Variants in DOK5 observed in about 807,000 individuals in gnomAD.
The protein encoded by DOK5 is downstream of tyrosine kinase 5.
A neutral mutation model predicts 43.3 loss-of-function variants in DOK5; 27 were observed. That is an observed-to-expected ratio of 0.62 (90% CI 0.46 to 0.86). The LOEUF (loss-of-function observed/expected upper bound fraction) is 0.86. Among genes scored for constraint, DOK5 ranks in the 40% least tolerant of loss-of-function variants. The probability of loss-of-function intolerance (pLI) is 0.00; values close to 1 mark genes in which losing one functional copy is unlikely to be tolerated. For synonymous variants in DOK5, 146 were observed against 140.1 expected, an observed-to-expected ratio of 1.04 and a Z score of -0.30; for missense variants, 373 against 392.9, an observed-to-expected ratio of 0.95 and a Z score of 0.43.
intron 1 of DOK5, 103 bp downstream of exon 1, chr20:54,476,115 G>A: frequency 6.4e-7 from 1 of 1,565,638 alleles, no homozygotes; most frequent in Admixed American, 2.0e-5. Context: ...CCGCGCGCCG[G>A]AGAATTGCGC....
intron 6 of DOK5, among the ~76,000 whole-genome samples, chr20:54,638,100 T>A (rs542237197): frequency 3.8e-5 from 5 of 131,966 alleles, no homozygotes; most frequent in East Asian, 2.3e-4. Flanking sequence ...CCAGCCTGGG[T>A]GACAGAGCGA....
chr20:54,554,397 C>T (rs1305264100), intron 1 of DOK5, among the ~76,000 whole-genome samples: 1 of 152,186 alleles, frequency 6.6e-6, no homozygotes, highest in Non-Finnish European at 1.5e-5. Flanking sequence ...ATCTTCAAGT[C>T]TCTGGGTTGA....
chr20:54,496,155 T>A (rs1328032036), intron 1 of DOK5, among the ~76,000 whole-genome samples: 1 of 152,212 alleles, frequency 6.6e-6, no homozygotes. Flanking sequence ...TTAGACTAAT[T>A]GCTCTAATAT....
chr20:54,519,905 G>A (rs1481835551), intron 1 of DOK5, among the ~76,000 whole-genome samples: 3 of 152,198 alleles, frequency 2.0e-5, no homozygotes, highest in African/African-American at 7.2e-5. Context: ...CAGGCTTTTA[G>A]TAACACCTCA....
intron 6 of DOK5, among the ~76,000 whole-genome samples, chr20:54,613,238 C>T (rs542533798): frequency 2.6e-4 from 39 of 151,096 alleles, no homozygotes; most frequent in African/African-American, 9.0e-4. Context: ...CTCTCTCTCT[C>T]GCCATCTCTC....
intron 5 of DOK5, among the ~76,000 whole-genome samples, chr20:54,608,048 A>G (rs1026515161): frequency 6.6e-6 from 1 of 152,214 alleles, no homozygotes; most frequent in African/African-American, 2.4e-5. Context: ...ATAGCATGTT[A>G]TAGATTGATG....
At chr20:54,547,452 T>G (rs1984387234) in intron 1 of DOK5, among the ~76,000 whole-genome samples, 1 of 152,226 alleles carries the variant, frequency 6.6e-6, no homozygotes, top group Non-Finnish European at 1.5e-5. Context: ...TTGTGAAGGC[T>G]TACTATTATA....
intron 2 of DOK5, among the ~76,000 whole-genome samples, chr20:54,566,366 T>C (rs923381963): frequency 2.0e-5 from 3 of 152,086 alleles, no homozygotes; most frequent in Non-Finnish European, 2.9e-5. Context: ...CAAATAAAAT[T>C]GGTATGAATA....
chr20:54,505,959 T>G (rs1982789431), intron 1 of DOK5, among the ~76,000 whole-genome samples: 1 of 152,188 alleles, frequency 6.6e-6, no homozygotes, highest in South Asian at 2.1e-4. Flanking sequence ...CATTTTGTTC[T>G]TCATGGGAAG....
In DOK5 at chr20:54,588,734, G is replaced by A. The variant is rs1985889917; in HGVS notation, c.337G>A (p.Gly113Arg). 1.2e-6 allele frequency: 2 copies of A among 1,613,946 alleles called. No individual in the cohort carries two copies. The highest frequency in any genetic ancestry group is 8.5e-7 in the Non-Finnish European group (1 of 1,179,970). Residue 113 changes from glycine to arginine, a missense_variant, in exon 4 of 8, where the codon GGA becomes AGA. By Grantham distance (125) the Gly-to-Arg change is moderately radical. Transcript: ENST00000262593. ...CAAAGTACTCCAGATGGAGTGTGTA[G>A]GAACACGGATCAATGACATCAGCCT... is the stretch of plus-strand genomic sequence containing the variant. Reference protein sequence around the residue: ...WCKVLQMECVGTRINDISLGE... With the variant: ...WCKVLQMECVRTRINDISLGE...
intron 1 of DOK5, among the ~76,000 whole-genome samples, chr20:54,529,633 C>T (rs1353935417): frequency 6.6e-6 from 1 of 152,044 alleles, no homozygotes; most frequent in East Asian, 1.9e-4. Context: ...AGCATATTTA[C>T]ACTGTTGTGT....
intron 1 of DOK5, among the ~76,000 whole-genome samples, chr20:54,522,660 C>A (rs1369714293): frequency 4.0e-5 from 6 of 151,818 alleles, no homozygotes; most frequent in Non-Finnish European, 8.8e-5. Flanking sequence ...GCTGGGATTA[C>A]AGGCGTCCAC....
intron 1 of DOK5, among the ~76,000 whole-genome samples, chr20:54,548,406 AT>A (rs956813498): frequency 4.7e-4 from 68 of 144,514 alleles, no homozygotes; most frequent in Admixed American, 7.6e-4. Flanking sequence ...TAATTTTTGT[AT>A]TTTTTTTTTT....
chr20:54,492,927 C>T (rs1011921399), intron 1 of DOK5, among the ~76,000 whole-genome samples: 9 of 151,630 alleles, frequency 5.9e-5, no homozygotes, highest in African/African-American at 1.7e-4. Context: ...TGGTGGCGGG[C>T]GCCTGTAATC....
chr20:54,622,778 G>A (rs796324939), intron 6 of DOK5, among the ~76,000 whole-genome samples: 1 of 152,130 alleles, frequency 6.6e-6, no homozygotes, highest in Non-Finnish European at 1.5e-5. Context: ...GACCGTGTGG[G>A]CGGTGGTGAG....
intron 1 of DOK5, among the ~76,000 whole-genome samples, chr20:54,485,954 A>C (rs1231411300): frequency 1.3e-5 from 2 of 152,206 alleles, no homozygotes; most frequent in African/African-American, 2.4e-5. Context: ...CCATGTCAGT[A>C]AAATGCCTGG....
chr20:54,616,073 C>A (rs903164028), intron 6 of DOK5, among the ~76,000 whole-genome samples: 1 of 152,132 alleles, frequency 6.6e-6, no homozygotes, highest in Admixed American at 6.5e-5. Context: ...TTTGTTTCGA[C>A]AGCCATAGAA....
chr20:54,490,489 G>A (rs1325148894), intron 1 of DOK5, among the ~76,000 whole-genome samples: 1 of 152,214 alleles, frequency 6.6e-6, no homozygotes, highest in African/African-American at 2.4e-5. Flanking sequence ...GGTAGGGGAT[G>A]ATGTGAATCT....
intron 2 of DOK5, among the ~76,000 whole-genome samples, chr20:54,576,787 A>G (rs941516907): frequency 6.6e-6 from 1 of 152,216 alleles, no homozygotes; most frequent in South Asian, 2.1e-4. Context: ...TTTCTTTCAC[A>G]TCTTAAAGTC....
Sources: allele counts gnomAD v4.1 joint callset (sites outside exome capture counted in the v4.1 genomes callset), GRCh38; gene constraint gnomAD v4.1.1; transcripts MANE v1.5; gene names NCBI Gene and HGNC (gene_info 2026-07-23, HGNC 2026-07-21).